Variants in CSMD1 observed in about 807,000 individuals in gnomAD.
CSMD1 encodes CUB and sushi domain-containing protein 1.
In CSMD1, 213 loss-of-function variants were observed where a neutral mutation model predicts 417.5. The ratio of observed to expected loss-of-function variants is 0.51; its 90% confidence interval spans 0.46 to 0.57. The LOEUF is 0.57. Among genes scored for constraint, CSMD1 ranks in the 20% least tolerant of loss-of-function variants. The pLI, the probability that CSMD1 is intolerant of heterozygous loss-of-function variation, is 0.00. For missense variants in CSMD1, 6,923 were observed against 4,529.7 expected (o/e 1.53, Z -15.17); for synonymous variants, 2,862 against 1,736.8 (o/e 1.65, Z -16.11).
chr8:3,348,213 T>C, intron 21 of CSMD1, 52 bp from the exon 22 acceptor site: 1 of 1,436,528 alleles, frequency 7.0e-7, no homozygotes, highest in African/African-American at 1.4e-5. Flanking sequence ...GAATTACTGT[T>C]TTTAACAGAT....
At chr8:3,474,789 T>C (rs979748508) in intron 11 of CSMD1, among the ~76,000 whole-genome samples, 3 of 152,218 alleles carry the variant, frequency 2.0e-5, no homozygotes, top group African/African-American at 7.2e-5. Context: ...CTAGTCTTGC[T>C]TTCTTTAACA....
chr8:3,074,428 G>C (rs866956588), intron 49 of CSMD1, among the ~76,000 whole-genome samples: 1 of 152,122 alleles, frequency 6.6e-6, no homozygotes, highest in Non-Finnish European at 1.5e-5. Flanking sequence ...CCAGGGCGTC[G>C]GTCACCCCAC....
At chr8:4,682,442 A>T (rs1806111246) in intron 1 of CSMD1, among the ~76,000 whole-genome samples, 1 of 152,120 alleles carries the variant, frequency 6.6e-6, no homozygotes, top group South Asian at 2.1e-4. Flanking sequence ...TTTGCTATGA[A>T]TTTTTTTTCA....
intron 7 of CSMD1, among the ~76,000 whole-genome samples, chr8:3,630,608 G>C (rs892259987): frequency 6.6e-6 from 1 of 152,188 alleles, no homozygotes; most frequent in Admixed American, 6.5e-5. Flanking sequence ...AGGGTGAAGT[G>C]TTGGGCTGGC....
chr8:3,074,321 C>A (rs1437424300), intron 49 of CSMD1, among the ~76,000 whole-genome samples: 1 of 152,214 alleles, frequency 6.6e-6, no homozygotes, highest in Non-Finnish European at 1.5e-5. Context: ...ACAATCTGAG[C>A]ACATTCTCCC....
At chr8:4,015,044 C>A (rs1210817505) in intron 4 of CSMD1, among the ~76,000 whole-genome samples, 2 of 152,096 alleles carry the variant, frequency 1.3e-5, no homozygotes, top group Non-Finnish European at 2.9e-5. Flanking sequence ...TTTTTTTGAA[C>A]AGTTTTAATT....
At chr8:2,940,480 G>C (rs903774297) in intron 69 of CSMD1, among the ~76,000 whole-genome samples, 2 of 152,086 alleles carry the variant, frequency 1.3e-5, no homozygotes, top group African/African-American at 2.4e-5. Context: ...CCCAGAGGAG[G>C]CATCACATTT....
At chr8:4,142,990 T>C (rs934002328) in intron 3 of CSMD1, among the ~76,000 whole-genome samples, 1 of 121,948 alleles carries the variant, frequency 8.2e-6, no homozygotes, top group South Asian at 2.8e-4. Flanking sequence ...TCAAACTGAT[T>C]GAAAAAAAAA....
At chr8:3,563,701 C>G (rs1361282530) in intron 10 of CSMD1, among the ~76,000 whole-genome samples, 3 of 151,976 alleles carry the variant, frequency 2.0e-5, no homozygotes, top group Non-Finnish European at 2.9e-5. Flanking sequence ...CCAGCCTGGC[C>G]AATGTAGTGA....
At chr8:3,164,830 T>G (rs896679223) in intron 37 of CSMD1, among the ~76,000 whole-genome samples, 2 of 152,284 alleles carry the variant, frequency 1.3e-5, no homozygotes, top group South Asian at 2.1e-4. Context: ...TAAAGGCCAG[T>G]TACTAAACTT....
Position 3,645,560 on chromosome 8 carries a change from G to GTGTC in CSMD1, c.1010-28767_1010-28764dup, listed in dbSNP as rs1303998676. Among the ~76,000 whole-genome samples, 4 of 152,222 alleles carry GTGTC rather than the reference G, an allele frequency of 2.6e-5. No individual in the cohort carries two copies. The East Asian group carries it at 7.7e-4, about 29-fold the overall frequency. On this transcript the variant is annotated intron_variant, in intron 7 of 69. Coordinates refer to ENST00000635120, the MANE Select transcript of CSMD1 (RefSeq NM_033225.6). ...GAAGCTGCAGGAGAGATCATGGGAAGTGTCAGTCTTCTGCAAGGGATCATG... is the reference window on the plus strand; with the variant it reads ...GAAGCTGCAGGAGAGATCATGGGAAGTGTCTGTCAGTCTTCTGCAAGGGATCATG...
At chr8:4,537,881 T>A (rs1378759065) in intron 2 of CSMD1, among the ~76,000 whole-genome samples, 1 of 152,222 alleles carries the variant, frequency 6.6e-6, no homozygotes, top group Non-Finnish European at 1.5e-5. Flanking sequence ...GGATTTAGAA[T>A]GCTTATTTTC....
At chr8:4,343,186 A>G (rs1166150704) in intron 3 of CSMD1, among the ~76,000 whole-genome samples, 3 of 152,168 alleles carry the variant, frequency 2.0e-5, no homozygotes, top group Non-Finnish European at 4.4e-5. Flanking sequence ...GGAGTGCTTC[A>G]GCTTGCTTTG....
intron 3 of CSMD1, among the ~76,000 whole-genome samples, chr8:4,250,161 G>C (rs73498583): frequency 0.12 from 18,379 of 152,114 alleles, 1,725 homozygotes; most frequent in East Asian, 0.36. Flanking sequence ...TCAGCCTCTA[G>C]AACTGTGAAC....
rs556352259 is a variant in CSMD1, at chr8:4,054,627, G to A, written c.416-22528C>T. ...ATTTAGCTTATTTCCCCATCGGACT[G>A]TAAAACACATAGGTAATGAACAGGT... On this transcript the variant is annotated intron_variant, in intron 3 of 69. Coordinates refer to ENST00000635120, the MANE Select transcript of CSMD1 (RefSeq NM_033225.6). 2.6e-5 allele frequency among the ~76,000 whole-genome samples: 4 copies of A among 152,230 alleles called. No homozygotes were observed. In the South Asian group the frequency reaches 6.2e-4, roughly 24 times the overall value.
intron 3 of CSMD1, among the ~76,000 whole-genome samples, chr8:4,404,932 G>T (rs186599503): frequency 1.3e-5 from 2 of 152,106 alleles, no homozygotes; most frequent in African/African-American, 4.8e-5. Flanking sequence ...TCAGTCATCC[G>T]ATATGATTAT....
At chr8:3,322,133 T>C (rs576014963) in intron 23 of CSMD1, among the ~76,000 whole-genome samples, 1 of 152,230 alleles carries the variant, frequency 6.6e-6, no homozygotes, top group Admixed American at 6.5e-5. Context: ...AATACTGTTA[T>C]TTTGGTCATA....
rs1456646245 is a variant in CSMD1 at position 3,348,085 on chromosome 8, G to A, written c.3381C>T (p.Asn1127=). ...SPNFPSNYDN[N]HECIYKIETE... is the part of the protein sequence containing the mutation. Reference sequence around the variant, plus strand: ...TTTCTATTTTATAGATACACTCATGGTTATTATCATAATTGGATGGAAAAT... The same window carrying A: ...TTTCTATTTTATAGATACACTCATGATTATTATCATAATTGGATGGAAAAT... Residue 1127 remains asparagine (N), a synonymous_variant, in exon 22 of 70, where the codon AAC becomes AAT. Transcript: ENST00000635120. The A allele has an allele frequency of 1.2e-6, 2 of 1,612,474 alleles. No homozygotes were observed. Among genetic ancestry groups the A allele is most frequent in the Non-Finnish European group, 1.7e-6 (2 of 1,178,974 alleles).
chr8:3,772,564 T>C lies in CSMD1; in HGVS notation c.819-18522A>G, dbSNP rs1357145619. Among the ~76,000 whole-genome samples, 3 of 136,450 alleles carry C rather than the reference T, an allele frequency of 2.2e-5. 1 individual carries two copies. The highest frequency in any genetic ancestry group is 4.6e-5 in the Non-Finnish European group (3 of 65,454). 89.5% of individuals were successfully genotyped at this position (136,450 alleles called of 152,430 possible). A position where few individuals can be genotyped will look rare whatever the true frequency, so the allele number is the denominator to read the frequency against. On this transcript the variant is annotated intron_variant, in intron 5 of 69. Coordinates refer to ENST00000635120, the MANE Select transcript of CSMD1 (RefSeq NM_033225.6). ...ATACACATATATACATATATACATA[T>C]ATATACATATATACACATATATTTA...
Sources: gnomAD v4.1 joint callset for allele counts (sites outside exome capture counted in the v4.1 genomes callset) on GRCh38, gnomAD v4.1.1 for gene constraint, MANE v1.5 for transcripts, NCBI Gene and HGNC (gene_info 2026-07-23, HGNC 2026-07-21) for gene names.